The following MTX2 variants were observed in gnomAD, a reference collection of about 807,000 sequenced individuals.
The protein encoded by MTX2 is metaxin-2.
In MTX2, 35 loss-of-function variants were observed where a neutral mutation model predicts 42.3. The ratio of observed to expected loss-of-function variants is 0.83; its 90% CI spans 0.63 to 1.10. MTX2 has a LOEUF of 1.10. Ranked by LOEUF, MTX2 falls within the 50% of genes least tolerant of loss-of-function variation. MTX2 has a pLI of 0.00. For synonymous variants in MTX2, 119 were observed against 100.9 expected, an observed-to-expected ratio of 1.18 and a Z score of -1.08; for missense variants, 307 against 304.1, an observed-to-expected ratio of 1.01 and a Z score of -0.07.
At chr2:176,319,873 A>G (rs575908023) in intron 3 of MTX2, among the ~76,000 whole-genome samples, 1 of 152,056 alleles carries the variant, frequency 6.6e-6, no homozygotes, top group South Asian at 2.1e-4. Flanking sequence ...AAATTTTTAA[A>G]AATTTTTGTA....
In MTX2 at chr2:176,337,783, A is replaced by G. The variant is rs543424007; in HGVS notation, c.*119A>G. The G allele has an allele frequency of 8.2e-6, 7 of 858,676 alleles. No individual in the cohort carries two copies. The highest frequency in any genetic ancestry group is 2.0e-5 in the South Asian group (1 of 48,842). 53.2% of individuals were successfully genotyped at this position (858,676 alleles called of 1,614,324 possible). A position where few individuals can be genotyped will look rare whatever the true frequency, so the allele number is the denominator to read the frequency against. The stretch of plus-strand genomic sequence containing the variant: ...ACTGCTTTTTGAAACCTCAAATTAT[A>G]TAATGTATCTTATGTATGTGCTTTA... On this transcript the variant is annotated 3_prime_UTR_variant, in exon 10 of 10. Coordinates refer to ENST00000249442, the MANE Select transcript of MTX2 (RefSeq NM_006554.5).
At chr2:176,305,651 CTCTAT>C (rs1285314991) in intron 3 of MTX2, among the ~76,000 whole-genome samples, 4 of 152,044 alleles carry the variant, frequency 2.6e-5, no homozygotes, top group African/African-American at 9.7e-5. Context: ...TTATATCTTT[CTCTAT>C]TCTAATTGTC....
chr2:176,292,909 TAA>T (rs1693359569), intron 1 of MTX2, among the ~76,000 whole-genome samples: 1 of 152,164 alleles, frequency 6.6e-6, no homozygotes, highest in Admixed American at 6.5e-5. Context: ...GACAGCAAAA[TAA>T]ATTTTGTTTC....
At chr2:176,318,104 CTCT>C (rs1190212818) in intron 3 of MTX2, among the ~76,000 whole-genome samples, 2 of 152,072 alleles carry the variant, frequency 1.3e-5, no homozygotes, top group Non-Finnish European at 2.9e-5. Context: ...GTCTCCTCTG[CTCT>C]TCTTAATGTT....
chr2:176,317,854 G>A (rs1406746736), intron 3 of MTX2, among the ~76,000 whole-genome samples: 1 of 152,064 alleles, frequency 6.6e-6, no homozygotes, highest in East Asian at 1.9e-4. Context: ...GACTGGGGGA[G>A]GGCTAATTGT....
rs190802981 is a variant in MTX2, at chr2:176,276,406, A to G, written c.40+6737A>G. Reference sequence around the variant, plus strand: ...ACTGTGTTAAATGATTTATATACGTAATTGCTAATAATAACAATTTGGTCT... The same window carrying G: ...ACTGTGTTAAATGATTTATATACGTGATTGCTAATAATAACAATTTGGTCT... On this transcript the variant is annotated intron_variant, in intron 1 of 9. Transcript: ENST00000249442. Among the ~76,000 whole-genome samples, 169 of 152,258 alleles carry G rather than the reference A, an allele frequency of 1.1e-3. 2 individuals are homozygous for G. The highest frequency in any genetic ancestry group is 0.01 in the Middle Eastern group (3 of 294).
At chr2:176,282,133 T>G (rs1391337852) in intron 1 of MTX2, among the ~76,000 whole-genome samples, 2 of 134,914 alleles carry the variant, frequency 1.5e-5, no homozygotes, top group African/African-American at 2.8e-5. Flanking sequence ...GTAGTTTTTT[T>G]TTTTTTTTTT....
At chr2:176,269,713 CG>C in intron 1 of MTX2, 44 bp downstream of exon 1, 2 of 1,566,010 alleles carry the variant, frequency 1.3e-6, no homozygotes, top group Non-Finnish European at 8.6e-7. Flanking sequence ...GGCGCGGTCT[CG>C]GGGAGCCGCG....
At chr2:176,330,936 C>T (rs1030110846) in intron 9 of MTX2, among the ~76,000 whole-genome samples, 1 of 150,780 alleles carries the variant, frequency 6.6e-6, no homozygotes, top group Non-Finnish European at 1.5e-5. Context: ...GTTCAAGGTG[C>T]TATACATGGA....
chr2:176,318,010 T>A (rs921667454), intron 3 of MTX2, among the ~76,000 whole-genome samples: 1 of 152,130 alleles, frequency 6.6e-6, no homozygotes, highest in Non-Finnish European at 1.5e-5. Flanking sequence ...TGCAAACTCT[T>A]AGGTTTCAGC....
intron 1 of MTX2, among the ~76,000 whole-genome samples, chr2:176,281,339 G>A (rs1275529438): frequency 6.6e-6 from 1 of 152,178 alleles, no homozygotes; most frequent in Non-Finnish European, 1.5e-5. Context: ...ACCTCTGGAA[G>A]CATCTTCACT....
In MTX2 at chr2:176,269,665, T is replaced by A. The variant is rs374683771; in HGVS notation, c.36T>A (p.Ile12=). The A allele has an allele frequency of 3.1e-6, 5 of 1,596,760 alleles. No individual in the cohort carries two copies. Among genetic ancestry groups the A allele is most frequent in the Non-Finnish European group, 4.3e-6 (5 of 1,174,526 alleles). The change falls in exon 1 of 10, where the codon ATT becomes ATA. Residue 12 remains isoleucine, a synonymous_variant. Transcript: ENST00000249442. ...TGGCGGAAGCCTTCGTCTCCCAGAT[T>A]GCAGGTAGCGCGGCTGGCCGCAGAC... The part of the protein sequence containing the change: ...SLVAEAFVSQ[I]AAAEPWPENA...
intron 5 of MTX2, among the ~76,000 whole-genome samples, chr2:176,327,877 A>C (rs1360183144): frequency 1.3e-5 from 2 of 151,066 alleles, no homozygotes; most frequent in African/African-American, 4.8e-5. Context: ...ATAGAGTATT[A>C]GAATTTTAAA....
chr2:176,269,771 C>G (rs1158550308), intron 1 of MTX2, 102 bp downstream of exon 1: 1 of 1,357,398 alleles, frequency 7.4e-7, no homozygotes, highest in African/African-American at 1.5e-5. Flanking sequence ...GCATTATACG[C>G]TGAACCCGGC....
At chr2:176,328,668 G>T (rs548603617) in intron 6 of MTX2, among the ~76,000 whole-genome samples, 150 of 151,096 alleles carry the variant, frequency 9.9e-4, no homozygotes, top group African/African-American at 3.6e-3. Flanking sequence ...CACTTTAATG[G>T]TATTTAGACA....
chr2:176,316,546 C>T (rs1336139930), intron 3 of MTX2, among the ~76,000 whole-genome samples: 1 of 151,986 alleles, frequency 6.6e-6, no homozygotes, highest in Non-Finnish European at 1.5e-5. Context: ...GGACTACAGG[C>T]ACACACCATC....
At position 176,329,000 on chromosome 2, in the gene MTX2, A is replaced by G. The variant is rs1046319522; in HGVS notation, c.417+88A>G. On this transcript the variant is annotated intron_variant, in intron 7 of 9. Coordinates refer to ENST00000249442, the MANE Select transcript of MTX2 (RefSeq NM_006554.5). ...TCGCAAGTCCCTGCTCATAAATGAA[A>G]CATTGTGGTTTATACCATTAGTGAT... 12 of 1,234,354 alleles carry G rather than the reference A, an allele frequency of 9.7e-6. No homozygotes were observed. The African/African-American group carries it at 1.4e-4, about 14-fold the overall frequency. 76.5% of individuals were successfully genotyped at this position (1,234,354 alleles called of 1,614,324 possible).
chr2:176,269,865 C>G (rs1478618294), intron 1 of MTX2, among the ~76,000 whole-genome samples, 196 bp downstream of exon 1: 1 of 152,136 alleles, frequency 6.6e-6, no homozygotes, highest in African/African-American at 2.4e-5. Context: ...CAAGGTCACC[C>G]CGCAGGAGCA....
chr2:176,314,455 T>C (rs1684391304), intron 3 of MTX2, among the ~76,000 whole-genome samples: 1 of 151,722 alleles, frequency 6.6e-6, no homozygotes, highest in African/African-American at 2.4e-5. Context: ...AAAAACCCAA[T>C]ATATTTACTT....
Sources: allele counts gnomAD v4.1 joint callset (sites outside exome capture counted in the v4.1 genomes callset), GRCh38; gene constraint gnomAD v4.1.1; transcripts MANE v1.5; gene names NCBI Gene and HGNC (gene_info 2026-07-23, HGNC 2026-07-21).